Variants in PAK1 observed in about 807,000 individuals in gnomAD.
The protein encoded by PAK1 is p21 (RAC1) activated kinase 1.
In PAK1, 29 loss-of-function variants were observed where a neutral mutation model predicts 67.4. The observed-to-expected ratio is 0.43, with a 90% CI of 0.32 to 0.59. The LOEUF (loss-of-function observed/expected upper bound fraction) is 0.59. PAK1 is among the 20% of genes least tolerant of loss of function. PAK1 has a pLI of 0.07. For missense variants in PAK1, 337 were observed against 670.7 expected, an observed-to-expected ratio of 0.50 and a Z score of 5.50; for synonymous variants, 223 against 237.4, an observed-to-expected ratio of 0.94 and a Z score of 0.56.
the PAK1 span, among the ~76,000 whole-genome samples, chr11:77,525,349 A>G: frequency 1.3e-5 from 2 of 152,266 alleles, no homozygotes; most frequent in African/African-American, 2.4e-5. Context: ...AAGGAAAAAA[A>G]GTGTGAAATT....
chr11:77,514,093 A>T, the PAK1 span, among the ~76,000 whole-genome samples: 10 of 152,308 alleles, frequency 6.6e-5, no homozygotes, highest in Admixed American at 5.9e-4. Context: ...ATTTGGAGAG[A>T]TTCCAGAGCC....
chr11:77,378,892 C>T (rs1949453186), intron 4 of PAK1, among the ~76,000 whole-genome samples: 1 of 152,182 alleles, frequency 6.6e-6, no homozygotes, highest in East Asian at 1.9e-4. Flanking sequence ...CCAACCATTT[C>T]TCACTACAGC....
At chr11:77,454,584 C>T (rs1957002165) in intron 1 of PAK1, among the ~76,000 whole-genome samples, 1 of 152,098 alleles carries the variant, frequency 6.6e-6, no homozygotes. Flanking sequence ...CAAATTTTAG[C>T]ATGAAATCAA....
rs191722381 is a variant in PAK1 at position 77,468,493 on chromosome 11, C to G, written c.-22+5059G>C. Reference sequence around the variant, plus strand: ...ACAAAAAGGGTAGAAAAATGTAGCACATTAAGTTAATAAATTTACGATGGC... The same window carrying G: ...ACAAAAAGGGTAGAAAAATGTAGCAGATTAAGTTAATAAATTTACGATGGC... On this transcript the variant is annotated intron_variant, in intron 1 of 14. Coordinates refer to ENST00000356341, the MANE Select transcript of PAK1 (RefSeq NM_002576.5). Among the ~76,000 whole-genome samples, 100 of 152,272 alleles carry G rather than the reference C, an allele frequency of 6.6e-4. 1 individual carries two copies. Among genetic ancestry groups the G allele is most frequent in the African/African-American group, 2.3e-3 (94 of 41,548 alleles).
intron 2 of PAK1, among the ~76,000 whole-genome samples, chr11:77,381,679 T>C (rs1029981689): frequency 6.6e-6 from 1 of 152,238 alleles, no homozygotes; most frequent in East Asian, 1.9e-4. Flanking sequence ...ACTACCGTCA[T>C]TCTTACAATC....
chr11:77,358,092 G>A (rs1302631555), intron 6 of PAK1, among the ~76,000 whole-genome samples: 6 of 151,984 alleles, frequency 3.9e-5, no homozygotes, highest in Non-Finnish European at 8.8e-5. Flanking sequence ...ATCTCCAATA[G>A]TCATTCAACC....
chr11:77,528,805 G>A, the PAK1 span, among the ~76,000 whole-genome samples: 5 of 151,554 alleles, frequency 3.3e-5, no homozygotes, highest in Non-Finnish European at 5.9e-5. Flanking sequence ...CATGCTTCTC[G>A]GTTTTTCATA....
chr11:77,324,925 A>AAGGAATAAAAGATCCT (rs1456314974), intron 14 of PAK1, among the ~76,000 whole-genome samples: 3 of 152,204 alleles, frequency 2.0e-5, no homozygotes, highest in African/African-American at 7.2e-5. Context: ...ATTACTATGA[A>AAGGAATAAAAGATCCT]AGGAATAAAA....
the PAK1 span, among the ~76,000 whole-genome samples, chr11:77,509,245 G>A: frequency 2.0e-5 from 3 of 151,628 alleles, no homozygotes; most frequent in Admixed American, 6.6e-5. Context: ...GCGACTGAGC[G>A]AGACTCCACC....
intron 1 of PAK1, among the ~76,000 whole-genome samples, chr11:77,406,460 C>T (rs1411403863): frequency 6.6e-6 from 1 of 152,176 alleles, no homozygotes; most frequent in East Asian, 1.9e-4. Flanking sequence ...GTATACTCAG[C>T]AACTAAATAG....
upstream of PAK1, chr11:77,474,454 T>C (rs1592611956): frequency 6.6e-6 from 1 of 152,170 alleles, no homozygotes; most frequent in South Asian, 2.1e-4. Flanking sequence ...TGGCGGGTTG[T>C]TTCCGTGCAG....
intron 1 of PAK1, among the ~76,000 whole-genome samples, chr11:77,435,744 G>C (rs1192730241): frequency 2.1e-5 from 3 of 143,018 alleles, no homozygotes; most frequent in African/African-American, 7.9e-5. Flanking sequence ...TCCTGACCTC[G>C]TGATCCGCCT....
chr11:77,470,600 TGAAA>T (rs1480008758), intron 1 of PAK1, among the ~76,000 whole-genome samples: 4 of 152,012 alleles, frequency 2.6e-5, no homozygotes, highest in Non-Finnish European at 5.9e-5. Context: ...AATAAGAAAG[TGAAA>T]GAAACAAAGC....
chr11:77,366,782 AG>A (rs1403041491), intron 5 of PAK1, among the ~76,000 whole-genome samples: 2 of 152,244 alleles, frequency 1.3e-5, no homozygotes, highest in Admixed American at 6.5e-5. Flanking sequence ...TGTGGAAAAA[AG>A]TCTGGCAGTT....
chr11:77,363,869 G>A (rs1381357223), intron 5 of PAK1, among the ~76,000 whole-genome samples: 1 of 152,246 alleles, frequency 6.6e-6, no homozygotes, highest in Non-Finnish European at 1.5e-5. Flanking sequence ...GTTAAAAATA[G>A]AATCTCTGGC....
At chr11:77,490,521 C>T in the PAK1 span, among the ~76,000 whole-genome samples, 11 of 150,440 alleles carry the variant, frequency 7.3e-5, no homozygotes, top group East Asian at 2.0e-4. Context: ...GTCAGCCCCA[C>T]GCCCGGCCAG....
intron 7 of PAK1, among the ~76,000 whole-genome samples, 164 bp downstream of exon 7, chr11:77,355,504 G>C (rs1348951587): frequency 6.6e-6 from 1 of 152,160 alleles, no homozygotes; most frequent in Non-Finnish European, 1.5e-5. Context: ...CCAGGGCTGT[G>C]AGACAGGGAA....
intron 2 of PAK1, among the ~76,000 whole-genome samples, chr11:77,383,726 T>C (rs1345349360): frequency 1.3e-5 from 2 of 152,102 alleles, no homozygotes; most frequent in Non-Finnish European, 2.9e-5. Context: ...GGAGAAGTCA[T>C]ACAGTCCCAG....
At chr11:77,484,055 G>T in the PAK1 span, among the ~76,000 whole-genome samples, 44,041 of 151,968 alleles carry the variant, frequency 0.29, 7,148 homozygotes, top group Admixed American at 0.44. Context: ...CAGCCATATG[G>T]TACCAAGTGC....
Sources: gnomAD v4.1 joint callset for allele counts (sites outside exome capture counted in the v4.1 genomes callset) on GRCh38, gnomAD v4.1.1 for gene constraint, MANE v1.5 for transcripts, NCBI Gene and HGNC (gene_info 2026-07-23, HGNC 2026-07-21) for gene names.